RAB27A: variants seen among roughly 807,000 people sequenced by gnomAD.
RAB27A encodes ras-related protein Rab-27A.
Under a neutral mutation model 20.8 loss-of-function variants are expected in RAB27A, and 17 were observed. The observed-to-expected ratio is 0.82, with a 90% CI of 0.56 to 1.23. The LOEUF (loss-of-function observed/expected upper bound fraction) is 1.23, where lower values mean the gene tolerates loss of function less well. Ranked by LOEUF, RAB27A falls within the 50% of genes most tolerant of loss-of-function variation. The pLI, the probability that RAB27A is intolerant of heterozygous loss-of-function variation, is 0.00. For missense variants in RAB27A, 277 were observed against 266.7 expected (o/e 1.04, Z -0.27); for synonymous variants, 85 against 92.8 (o/e 0.92, Z 0.48).
intron 6 of RAB27A, among the ~76,000 whole-genome samples, chr15:55,214,823 A>G (rs962749047): frequency 6.6e-6 from 1 of 152,134 alleles, no homozygotes; most frequent in African/African-American, 2.4e-5. Flanking sequence ...AGAATCTATA[A>G]TATTATTGAG....
chr15:55,288,330 G>A lies in RAB27A; in HGVS notation c.-143+1386C>T, dbSNP rs559663866. ...GAGGTCAGGAGTTCAAGACCAGCCTGGCCAACATAGCAAAACCCCGCCTCT... is the reference window on the plus strand; with the variant it reads ...GAGGTCAGGAGTTCAAGACCAGCCTAGCCAACATAGCAAAACCCCGCCTCT... On this transcript the variant is annotated intron_variant, in intron 1 of 6. Coordinates refer to ENST00000336787, the MANE Select transcript of RAB27A (RefSeq NM_183235.3). 2.4e-4 allele frequency among the ~76,000 whole-genome samples: 36 copies of A among 152,056 alleles called. 1 individual carries two copies. Among genetic ancestry groups the A allele is most frequent in the African/African-American group, 8.4e-4 (35 of 41,462 alleles).
At chr15:55,230,138 T>C (rs1895972608) in intron 4 of RAB27A, among the ~76,000 whole-genome samples, 1 of 151,638 alleles carries the variant, frequency 6.6e-6, no homozygotes, top group African/African-American at 2.4e-5. Context: ...CAAAAGGAAA[T>C]GGAGCAAAGT....
rs1287359110 is a variant in RAB27A, at chr15:55,209,829, CATAT to C, written c.468-4128_468-4125del. 8.9e-5 allele frequency among the ~76,000 whole-genome samples: 11 copies of C among 123,594 alleles called. 2 individuals carry two copies. The highest frequency in any genetic ancestry group is 2.3e-4 in the Admixed American group (3 of 13,318). The allele number at this position is 123,594 out of a possible 152,430, so 81.1% of individuals were successfully genotyped here. A position where few individuals can be genotyped will look rare whatever the true frequency, so the allele number is the denominator to read the frequency against. On this transcript the variant is annotated intron_variant, in intron 6 of 6. Transcript: ENST00000336787. Reference sequence around the variant, plus strand: ...ATATACACACATGTGTGTATATATACATATATGTGTGTACACATATATGTGTGTA... The same window carrying C: ...ATATACACACATGTGTGTATATATACATGTGTGTACACATATATGTGTGTA...
At chr15:55,301,327 T>TA (rs748305058) in intron 2 of RAB27A, among the ~76,000 whole-genome samples, 1 of 152,136 alleles carries the variant, frequency 6.6e-6, no homozygotes, top group Non-Finnish European at 1.5e-5. Flanking sequence ...AATGACAATT[T>TA]AAAAAATAGA....
intron 2 of RAB27A, among the ~76,000 whole-genome samples, chr15:55,250,156 G>A (rs570676984): frequency 4.6e-5 from 7 of 151,900 alleles, no homozygotes; most frequent in Non-Finnish European, 8.8e-5. Context: ...TAGAGATGGC[G>A]TTTCACTATG....
At chr15:55,308,900 G>A (rs2055008815) in intron 2 of RAB27A, among the ~76,000 whole-genome samples, 1 of 152,186 alleles carries the variant, frequency 6.6e-6, no homozygotes, top group African/African-American at 2.4e-5. Context: ...TAAACAATGA[G>A]GCCAACCCTT....
intron 2 of RAB27A, among the ~76,000 whole-genome samples, chr15:55,264,057 T>A (rs1476344501): frequency 6.6e-6 from 1 of 152,190 alleles, no homozygotes; most frequent in African/African-American, 2.4e-5. Flanking sequence ...TTTGTTTTTG[T>A]TTTTTGAGAC....
intron 1 of RAB27A, among the ~76,000 whole-genome samples, chr15:55,314,397 C>A (rs1407000298): frequency 6.6e-6 from 1 of 152,116 alleles, no homozygotes; most frequent in Non-Finnish European, 1.5e-5. Flanking sequence ...TATTCATATT[C>A]AACACAGTAC....
chr15:55,299,997 T>C (rs1189711091), intron 2 of RAB27A, among the ~76,000 whole-genome samples: 3 of 151,904 alleles, frequency 2.0e-5, no homozygotes, highest in Non-Finnish European at 4.4e-5. Flanking sequence ...ATTTTTTGTA[T>C]TTCTAGTAGA....
At chr15:55,212,590 C>T (rs903485649) in intron 6 of RAB27A, among the ~76,000 whole-genome samples, 3 of 148,644 alleles carry the variant, frequency 2.0e-5, no homozygotes, top group Admixed American at 6.7e-5. Flanking sequence ...AGTGCAGTGG[C>T]GCCATCCTGG....
chr15:55,309,513 G>A (rs372290015), intron 2 of RAB27A, among the ~76,000 whole-genome samples: 5 of 152,172 alleles, frequency 3.3e-5, no homozygotes, highest in African/African-American at 1.2e-4. Context: ...CTTAAGTCTC[G>A]GGTTAATGCC....
intron 6 of RAB27A, among the ~76,000 whole-genome samples, chr15:55,220,666 T>G (rs937643940): frequency 6.6e-6 from 1 of 152,254 alleles, no homozygotes; most frequent in Non-Finnish European, 1.5e-5. Context: ...TATGAAGATA[T>G]GCCATAAACT....
intron 2 of RAB27A, among the ~76,000 whole-genome samples, chr15:55,242,221 G>A (rs1283366533): frequency 6.6e-6 from 1 of 152,174 alleles, no homozygotes; most frequent in Non-Finnish European, 1.5e-5. Flanking sequence ...TAACTGAACA[G>A]CAACATGTAA....
intron 6 of RAB27A, among the ~76,000 whole-genome samples, chr15:55,212,639 C>G (rs1001541284): frequency 6.6e-6 from 1 of 151,920 alleles, no homozygotes; most frequent in Non-Finnish European, 1.5e-5. Context: ...ACGCCATTCT[C>G]CTGCCTCAGC....
chr15:55,234,534 C>A (rs1383447922), intron 3 of RAB27A, among the ~76,000 whole-genome samples: 1 of 152,148 alleles, frequency 6.6e-6, no homozygotes, highest in Non-Finnish European at 1.5e-5. Context: ...AAGATACAAG[C>A]CAAAAGAGTA....
chr15:55,270,137 A>C (rs1377170889), intron 2 of RAB27A, 28 bp downstream of exon 2: 1 of 152,114 alleles, frequency 6.6e-6, no homozygotes, highest in Non-Finnish European at 1.5e-5. Flanking sequence ...CACTACCAAA[A>C]AAAAAAAAGA....
chr15:55,241,196 G>C (rs1330662984), intron 2 of RAB27A, among the ~76,000 whole-genome samples: 1 of 152,170 alleles, frequency 6.6e-6, no homozygotes, highest in Non-Finnish European at 1.5e-5. Flanking sequence ...TCTGCTAAGA[G>C]TATTTGAAGC....
At chr15:55,300,517 T>G (rs899990418) in intron 2 of RAB27A, among the ~76,000 whole-genome samples, 1 of 152,010 alleles carries the variant, frequency 6.6e-6, no homozygotes, top group Non-Finnish European at 1.5e-5. Flanking sequence ...CCGTCTCTAC[T>G]AAAAATACAA....
At chr15:55,206,582 A>C (rs1041572213) in intron 6 of RAB27A, among the ~76,000 whole-genome samples, 2 of 152,096 alleles carry the variant, frequency 1.3e-5, no homozygotes, top group Non-Finnish European at 2.9e-5. Flanking sequence ...AGCTCAAGCT[A>C]CCCACCCGCC....
Sources: allele counts gnomAD v4.1 joint callset (sites outside exome capture counted in the v4.1 genomes callset), GRCh38; gene constraint gnomAD v4.1.1; transcripts MANE v1.5; gene names NCBI Gene and HGNC (gene_info 2026-07-23, HGNC 2026-07-21).